The following MICAL2 variants were observed in gnomAD, a reference collection of about 807,000 sequenced individuals.
MICAL2 encodes [F-actin]-monooxygenase MICAL2.
A neutral mutation model predicts 127.3 loss-of-function variants in MICAL2; 77 were observed. That is an observed-to-expected ratio of 0.60 (90% CI 0.50 to 0.73). The LOEUF is 0.73. Ranked by LOEUF, MICAL2 falls within the 30% of genes least tolerant of loss-of-function variation. The pLI, the probability that MICAL2 is intolerant of heterozygous loss-of-function variation, is 0.00. For synonymous variants in MICAL2, 570 were observed against 551.1 expected (o/e 1.03, Z -0.48); for missense variants, 1,351 against 1,434.4 (o/e 0.94, Z 0.94).
intron 15 of MICAL2, 109 bp from the exon 16 acceptor site, chr11:12,236,068 A>G (rs1310624802): frequency 2.3e-6 from 2 of 869,188 alleles, no homozygotes. Flanking sequence ...GTGGGCAGGG[A>G]CACATCCTCA....
intron 22 of MICAL2, among the ~76,000 whole-genome samples, chr11:12,251,314 C>G (rs1057379277): frequency 1.3e-5 from 2 of 151,706 alleles, no homozygotes; most frequent in Admixed American, 6.6e-5. Flanking sequence ...CTCTGAGAGC[C>G]GGTAAGGCCG....
Position 12,241,031 on chromosome 11 carries a change from T to C in MICAL2, c.2215-9T>C. ...GGCTGCTTTTTTGGACTCGCCTTTC[T>C]TCTCCCAGGAACGCCGTGTCTCAGG... is the stretch of plus-strand genomic sequence containing the variant. On this transcript the variant is annotated splice_polypyrimidine_tract_variant and intron_variant, in intron 17 of 27. Transcript: ENST00000683283. 6.2e-7 allele frequency: 1 copy of C among 1,613,232 alleles called. No homozygotes were observed. Among genetic ancestry groups the C allele is most frequent in the Non-Finnish European group, 8.5e-7 (1 of 1,179,568 alleles).
intron 32 of MICAL2, among the ~76,000 whole-genome samples, chr11:12,345,957 T>C (rs1449298680): frequency 6.6e-6 from 1 of 152,202 alleles, no homozygotes; most frequent in Non-Finnish European, 1.5e-5. Flanking sequence ...GCAAACTTAG[T>C]GAATTGTGAG....
chr11:12,237,595 C>A (rs1032277787), intron 16 of MICAL2, among the ~76,000 whole-genome samples: 2 of 152,102 alleles, frequency 1.3e-5, no homozygotes, highest in Admixed American at 6.5e-5. Context: ...TTATTGGCAA[C>A]CTAGGAGTTG....
At chr11:12,158,116 G>A (rs977463178) in intron 2 of MICAL2, among the ~76,000 whole-genome samples, 1 of 152,076 alleles carries the variant, frequency 6.6e-6, no homozygotes, top group Non-Finnish European at 1.5e-5. Context: ...CTGTAAGGAA[G>A]TGTTCATTGG....
chr11:12,302,018 T>C (rs1864052999), intron 29 of MICAL2, among the ~76,000 whole-genome samples: 1 of 152,174 alleles, frequency 6.6e-6, no homozygotes, highest in South Asian at 2.1e-4. Context: ...AAACAAGCAG[T>C]CCATTATTCT....
intron 3 of MICAL2, among the ~76,000 whole-genome samples, chr11:12,192,440 C>G (rs1007883786): frequency 6.6e-6 from 1 of 152,170 alleles, no homozygotes; most frequent in African/African-American, 2.4e-5. Context: ...GGACTGGACT[C>G]TGAGCTCTTA....
chr11:12,216,959 G>C (rs983366061), intron 8 of MICAL2, among the ~76,000 whole-genome samples: 2 of 152,236 alleles, frequency 1.3e-5, no homozygotes, highest in Non-Finnish European at 2.9e-5. Context: ...GATTCCCTCT[G>C]TAACTTCTCA....
At chr11:12,262,175 G>A in intron 26 of MICAL2, 3 of 1,266,380 alleles carry the variant, frequency 2.4e-6, no homozygotes, top group Non-Finnish European at 3.0e-6. Context: ...ATGCCTCTAG[G>A]CCTCCGCAAC....
chr11:12,262,262 T>C (rs1382866847), intron 26 of MICAL2: 8 of 1,415,486 alleles, frequency 5.7e-6, no homozygotes, highest in Non-Finnish European at 7.4e-6. Flanking sequence ...GCAAACTGTG[T>C]GCATCCACTC....
intron 29 of MICAL2, among the ~76,000 whole-genome samples, chr11:12,297,589 G>A (rs1864001297): frequency 6.6e-6 from 1 of 151,994 alleles, no homozygotes; most frequent in Admixed American, 6.5e-5. Context: ...GTTAGAAAGA[G>A]CTTCTTCCAA....
Position 12,248,022 on chromosome 11 carries a change from C to T in MICAL2, c.2785-1162C>T, listed in dbSNP as rs139374080. 1.6e-3 allele frequency among the ~76,000 whole-genome samples: 240 copies of T among 152,260 alleles called. 1 individual carries two copies. The highest frequency in any genetic ancestry group is 5.5e-3 in the African/African-American group (228 of 41,536). ...GCCCTATGGTCTTCCACACTGATTCCGAGGATCCGTGAATAATAATCTCCT... is the reference window on the plus strand; with the variant it reads ...GCCCTATGGTCTTCCACACTGATTCTGAGGATCCGTGAATAATAATCTCCT... On this transcript the variant is annotated intron_variant, in intron 21 of 27. Coordinates refer to ENST00000683283, the MANE Select transcript of MICAL2 (RefSeq NM_001282663.2).
In MICAL2 at chr11:12,262,520, A is replaced by G. The variant is rs1474014195; in HGVS notation, c.3375A>G (p.Ter1125TrpextTer12). 28 of 1,613,314 alleles carry G rather than the reference A, an allele frequency of 1.7e-5. No homozygotes were observed. The highest frequency in any genetic ancestry group is 2.2e-5 in the Non-Finnish European group (26 of 1,179,502). Reference protein sequence around the residue: ...SLPVLHPLLG* With the variant: ...SLPVLHPLLGW ...CAGTGCTACACCCACTTCTTGGCTG[A>G]CACACTTCTGCTCTAAGGTGACTGG... Residue 1125 changes from the stop codon to tryptophan (W), a stop_lost, in exon 27 of 28, where the codon TGA becomes TGG. Transcript: ENST00000683283.
chr11:12,222,555 G>T, intron 10 of MICAL2, 62 bp from the exon 11 acceptor site: 1 of 1,608,330 alleles, frequency 6.2e-7, no homozygotes, highest in East Asian at 2.2e-5. Flanking sequence ...GTAGGGAAGG[G>T]TGGGGACAAG....
intron 3 of MICAL2, among the ~76,000 whole-genome samples, chr11:12,183,917 C>T (rs531452804): frequency 6.6e-6 from 1 of 152,094 alleles, no homozygotes; most frequent in African/African-American, 2.4e-5. Flanking sequence ...GTAGCTGGGA[C>T]CACCGGTGTG....
chr11:12,222,198 C>T (rs1305550523), intron 10 of MICAL2, among the ~76,000 whole-genome samples: 3 of 152,202 alleles, frequency 2.0e-5, no homozygotes, highest in South Asian at 2.1e-4. Context: ...CTGCTGGCCA[C>T]GTGGCTGTGA....
chr11:12,139,944 A>C (rs562829575), intron 2 of MICAL2, among the ~76,000 whole-genome samples: 2 of 152,190 alleles, frequency 1.3e-5, no homozygotes, highest in Admixed American at 1.3e-4. Context: ...CTCCTGGCTC[A>C]TCCATTCAAT....
intron 17 of MICAL2, among the ~76,000 whole-genome samples, chr11:12,239,787 G>T (rs1416688605): frequency 6.6e-6 from 1 of 152,216 alleles, no homozygotes; most frequent in Non-Finnish European, 1.5e-5. Context: ...TACTGTCTCT[G>T]TTACAACTCT....
At chr11:12,221,823 A>T in intron 10 of MICAL2, 64 bp downstream of exon 10, 2 of 1,332,636 alleles carry the variant, frequency 1.5e-6, no homozygotes, top group Non-Finnish European at 2.1e-6. Context: ...AGGGGGCAAG[A>T]TCACCCCGCA....
Sources: allele counts gnomAD v4.1 joint callset (sites outside exome capture counted in the v4.1 genomes callset), GRCh38; gene constraint gnomAD v4.1.1; transcripts MANE v1.5; gene names NCBI Gene and HGNC (gene_info 2026-07-23, HGNC 2026-07-21).